Variants in THBS4 observed in about 807,000 individuals in gnomAD.
THBS4 encodes thrombospondin 4.
Under a neutral mutation model 115.7 loss-of-function variants are expected in THBS4, and 90 were observed. That is an observed-to-expected ratio of 0.78 (90% CI 0.66 to 0.93). The LOEUF (loss-of-function observed/expected upper bound fraction) is 0.93. THBS4 is among the 40% of genes least tolerant of loss of function. The pLI is 0.00. For missense variants in THBS4, 1,087 were observed against 1,232.7 expected (o/e 0.88, Z 1.77); for synonymous variants, 460 against 479.3 (o/e 0.96, Z 0.53).
chr5:80,081,656 C>A (rs1473808636), intron 20 of THBS4, among the ~76,000 whole-genome samples: 1 of 152,184 alleles, frequency 6.6e-6, no homozygotes, highest in Admixed American at 6.5e-5. Flanking sequence ...AACAAATTTT[C>A]TCAATTTACC....
chr5:80,073,329 T>TA lies in THBS4; in HGVS notation c.1892+3dup, dbSNP rs1358576298. On this transcript the variant is annotated splice_region_variant and intron_variant, in intron 15 of 21. Coordinates refer to ENST00000350881, the MANE Select transcript of THBS4 (RefSeq NM_003248.6). ...CTCCTGTGACACCAATCAGGACAGG[T>TA]ATGGCATGTCTCCCAACTGCAGAGA... is the stretch of plus-strand genomic sequence containing the variant. 1 of 1,613,744 alleles carries TA rather than the reference T, an allele frequency of 6.2e-7. No individual in the cohort carries two copies.
intron 16 of THBS4, among the ~76,000 whole-genome samples, chr5:80,077,628 C>G (rs1377988730): frequency 6.6e-6 from 1 of 152,184 alleles, no homozygotes; most frequent in East Asian, 1.9e-4. Context: ...GTGGGGGCCA[C>G]CAGAAGTTAG....
intron 2 of THBS4, among the ~76,000 whole-genome samples, chr5:80,011,200 T>C (rs1446091838): frequency 6.6e-6 from 1 of 152,238 alleles, no homozygotes; most frequent in Non-Finnish European, 1.5e-5. Context: ...TTGCTTCTCC[T>C]TGCCTTCTGC....
At chr5:80,029,933 G>A (rs568870507) in intron 2 of THBS4, among the ~76,000 whole-genome samples, 1 of 152,110 alleles carries the variant, frequency 6.6e-6, no homozygotes, top group East Asian at 1.9e-4. Context: ...TCGCGCTGCT[G>A]CACTCCAGCC....
intron 2 of THBS4, among the ~76,000 whole-genome samples, chr5:80,047,792 C>A (rs1163072598): frequency 6.6e-6 from 1 of 151,920 alleles, no homozygotes; most frequent in African/African-American, 2.4e-5. Flanking sequence ...CGCCACCACA[C>A]CCGCCTAATT....
intron 16 of THBS4, 42 bp downstream of exon 16, chr5:80,077,090 C>T (rs1202751618): frequency 6.7e-7 from 1 of 1,485,846 alleles, no homozygotes; most frequent in African/African-American, 1.4e-5. Flanking sequence ...CCCCTGGGCT[C>T]CCTTCAGCCA....
At chr5:79,991,379 A>G (rs1052647353) in exon 1 of THBS4, 10 of 760,800 alleles carry the variant, frequency 1.3e-5, no homozygotes, top group African/African-American at 1.8e-5. Flanking sequence ...TGGAGGGATT[A>G]AGAAGAACTC....
intron 8 of THBS4, among the ~76,000 whole-genome samples, chr5:80,064,352 G>A (rs13180294): frequency 0.07 from 10,721 of 152,286 alleles, 522 homozygotes; most frequent in Middle Eastern, 0.1. Flanking sequence ...GTAAAGACAT[G>A]CCAAAATTCA....
chr5:80,043,953 C>A (rs1173218727), intron 2 of THBS4, among the ~76,000 whole-genome samples: 1 of 152,230 alleles, frequency 6.6e-6, no homozygotes, highest in Non-Finnish European at 1.5e-5. Context: ...TCCATGCAGC[C>A]TGAGCTTCAC....
Position 80,071,155 on chromosome 5 carries a change from C to T in THBS4, c.1695C>T (p.Ala565=), listed in dbSNP as rs139124154. The part of the protein sequence containing the change: ...KDTDGDGRGD[A]CDDDMDGDGI... ...CCGATGGGGATGGAAGAGGAGATGC[C>T]TGTGATGATGACATGGATGGAGATG... is the stretch of plus-strand genomic sequence containing the variant. The change falls in exon 13 of 22, where the codon GCC becomes GCT. Residue 565 remains alanine (A), a synonymous_variant. Transcript: ENST00000350881. The T allele has an allele frequency of 1.3e-6, 2 of 1,589,744 alleles. No homozygotes were observed. Among genetic ancestry groups the T allele is most frequent in the African/African-American group, 1.4e-5 (1 of 73,536 alleles).
At chr5:80,009,727 T>G (rs1832084369) in intron 2 of THBS4, among the ~76,000 whole-genome samples, 1 of 152,200 alleles carries the variant, frequency 6.6e-6, no homozygotes, top group Non-Finnish European at 1.5e-5. Context: ...CTTTATTAAT[T>G]GACATCTACA....
intron 2 of THBS4, among the ~76,000 whole-genome samples, chr5:80,000,205 A>G (rs1470742533): frequency 6.6e-6 from 1 of 152,192 alleles, no homozygotes; most frequent in South Asian, 2.1e-4. Context: ...TTTTACTTCA[A>G]ATGCAGGAAC....
chr5:80,022,161 T>G (rs536809185), intron 2 of THBS4, among the ~76,000 whole-genome samples: 1 of 152,320 alleles, frequency 6.6e-6, no homozygotes, highest in East Asian at 1.9e-4. Context: ...TATCAGGCAC[T>G]TTCAGGGTAA....
chr5:80,060,838 AAATGTGCCTTC>A (rs1246331651), intron 7 of THBS4, among the ~76,000 whole-genome samples: 1 of 152,232 alleles, frequency 6.6e-6, no homozygotes, highest in Non-Finnish European at 1.5e-5. Context: ...GCTGCCACCA[AAATGTGCCTTC>A]AATGTGCCTT....
At chr5:80,058,103 C>T (rs980069164) in intron 3 of THBS4, 103 bp from the exon 4 acceptor site, 2 of 805,652 alleles carry the variant, frequency 2.5e-6, no homozygotes. Flanking sequence ...TCAGAGGGTC[C>T]AAGTATACAG....
chr5:80,059,885 A>G lies in THBS4; in HGVS notation c.967A>G (p.Thr323Ala). 1.2e-6 allele frequency: 2 copies of G among 1,614,034 alleles called. No homozygotes were observed. Among genetic ancestry groups the G allele is most frequent in the South Asian group, 1.1e-5 (1 of 91,086 alleles). ...CGAGGGCTACACAGGAAACGGGATC[A>G]CCTGTATTGATGTTGATGAGGTAAA... ...CPEGYTGNGI[T>A]CIDVDECKYH... The change falls in exon 7 of 22, where the codon ACC (threonine) becomes GCC (alanine). Residue 323 changes from threonine to alanine, a missense_variant. Thr to Ala is a moderately conservative substitution (Grantham distance 58, BLOSUM62 0). Coordinates refer to ENST00000350881, the MANE Select transcript of THBS4 (RefSeq NM_003248.6).
Position 80,070,328 on chromosome 5 carries a change from A to T in THBS4, c.1370A>T (p.Asp457Val), listed in dbSNP as rs1467882813. 1 of 1,597,292 alleles carries T rather than the reference A, an allele frequency of 6.3e-7. No homozygotes were observed. Among genetic ancestry groups the T allele is most frequent in the African/African-American group, 1.3e-5 (1 of 74,378 alleles). The stretch of plus-strand genomic sequence containing the variant: ...CAGTGTGGAGTCGGTTGGGCTGGAG[A>T]TGGCTATATCTGTGGAAAGGATGTG... ...TCVCGVGWAG[D>V]GYICGKDVDI... The change falls in exon 11 of 22, where the codon GAT (aspartate) becomes GTT (valine). Residue 457 changes from aspartate to valine, a missense_variant. By Grantham distance (152) the Asp-to-Val change is radical. Transcript: ENST00000350881.
chr5:80,017,040 C>A (rs899654204), intron 2 of THBS4, among the ~76,000 whole-genome samples: 1 of 152,048 alleles, frequency 6.6e-6, no homozygotes, highest in African/African-American at 2.4e-5. Flanking sequence ...AGATAAAAAT[C>A]AGGATCAAGA....
intron 2 of THBS4, among the ~76,000 whole-genome samples, chr5:80,014,867 G>A (rs1362520208): frequency 6.6e-6 from 1 of 152,240 alleles, no homozygotes; most frequent in Non-Finnish European, 1.5e-5. Flanking sequence ...GTTAATCCAA[G>A]TCTGTCACTT....
Sources: gnomAD v4.1 joint callset for allele counts (sites outside exome capture counted in the v4.1 genomes callset) on GRCh38, gnomAD v4.1.1 for gene constraint, MANE v1.5 for transcripts, NCBI Gene and HGNC (gene_info 2026-07-23, HGNC 2026-07-21) for gene names.